Variants in PIK3C2G observed in about 807,000 individuals in gnomAD.
PIK3C2G encodes the protein phosphatidylinositol 3-kinase C2 domain-containing subunit gamma.
A neutral mutation model predicts 181.1 loss-of-function variants in PIK3C2G; 168 were observed. That is an observed-to-expected ratio of 0.93 (90% confidence interval 0.82 to 1.05). The LOEUF (loss-of-function observed/expected upper bound fraction) is 1.05, where lower values mean the gene tolerates loss of function less well. Among genes scored for constraint, PIK3C2G ranks in the 50% least tolerant of loss-of-function variants. The pLI is 0.00. For missense variants in PIK3C2G, 1,869 were observed against 1,732.8 expected (o/e 1.08, Z -1.40); for synonymous variants, 573 against 592.2 (o/e 0.97, Z 0.47).
At chr12:18,262,016 C>T (rs914115804) in intron 1 of PIK3C2G, among the ~76,000 whole-genome samples, 8 of 152,110 alleles carry the variant, frequency 5.3e-5, no homozygotes, top group Admixed American at 5.2e-4. Context: ...CCCATGATGG[C>T]TCCCAGAGGA....
intron 18 of PIK3C2G, among the ~76,000 whole-genome samples, chr12:18,453,810 C>A (rs557473406): frequency 2.0e-5 from 3 of 151,538 alleles, no homozygotes; most frequent in Non-Finnish European, 3.0e-5. Context: ...AGCTTTTAAA[C>A]GTGAATTTTA....
rs1444396409 is a variant in PIK3C2G, at chr12:18,296,403, G to A, written c.1034+2388G>A. 2.0e-5 allele frequency among the ~76,000 whole-genome samples: 3 copies of A among 152,028 alleles called. No homozygotes were observed. The South Asian group carries it at 6.2e-4, about 31-fold the overall frequency. Reference sequence around the variant, plus strand: ...ACAAGCATCTGGTGATGCCTATGCTGCCGGTCTACAGCCCACATTTCAAGT... The same window carrying A: ...ACAAGCATCTGGTGATGCCTATGCTACCGGTCTACAGCCCACATTTCAAGT... On this transcript the variant is annotated intron_variant, in intron 5 of 32. Transcript: ENST00000538779.
At chr12:18,341,752 C>A (rs1939164238) in intron 9 of PIK3C2G, among the ~76,000 whole-genome samples, 1 of 152,144 alleles carries the variant, frequency 6.6e-6, no homozygotes, top group Admixed American at 6.6e-5. Flanking sequence ...AGTCTATCCA[C>A]CCACCATGAA....
chr12:18,469,175 G>A (rs1054113518), intron 18 of PIK3C2G, among the ~76,000 whole-genome samples: 3 of 151,860 alleles, frequency 2.0e-5, no homozygotes, highest in South Asian at 2.1e-4. Flanking sequence ...TGCTTCCTAC[G>A]TCAGTGTGAC....
the PIK3C2G span, among the ~76,000 whole-genome samples, chr12:18,716,007 C>A: frequency 4.6e-4 from 70 of 152,218 alleles, 1 homozygote; most frequent in East Asian, 0.013. Context: ...CTAAATTCGG[C>A]TACATTTGTA....
At chr12:18,260,120 A>G (rs1180462278), upstream of PIK3C2G, among the ~76,000 whole-genome samples, 1 of 152,016 alleles carries the variant, frequency 6.6e-6, no homozygotes, top group Non-Finnish European at 1.5e-5. Context: ...AGTTTTATCA[A>G]GATTAGATTG....
the PIK3C2G span, chr12:18,696,322 C>CTATATATATATATATATATATA: frequency 6.5e-3 from 1,734 of 267,226 alleles, 136 homozygotes; most frequent in African/African-American, 0.028. Flanking sequence ...TAAAAAGCCA[C>CTATATATATATATATATATATA]TATATATATA....
intron 13 of PIK3C2G, among the ~76,000 whole-genome samples, chr12:18,381,327 A>T (rs998549370): frequency 6.6e-6 from 1 of 152,072 alleles, no homozygotes. Context: ...TAAATTTAGA[A>T]CTTGTATCTT....
At chr12:18,589,256 A>G (rs192328187) in intron 29 of PIK3C2G, among the ~76,000 whole-genome samples, 1 of 152,170 alleles carries the variant, frequency 6.6e-6, no homozygotes, top group African/African-American at 2.4e-5. Flanking sequence ...TAAATTAGAT[A>G]TGATTTTAAA....
intron 26 of PIK3C2G, among the ~76,000 whole-genome samples, chr12:18,560,598 C>CT (rs1436523781): frequency 1.3e-5 from 2 of 151,704 alleles, no homozygotes; most frequent in Admixed American, 1.3e-4. Context: ...ACAGAGAGGA[C>CT]TTTTAAAATA....
rs1408778055 is a variant in PIK3C2G at position 18,354,741 on chromosome 12, A to C, written c.1625+7905A>C. Reference sequence around the variant, plus strand: ...AAGCAGTCGCAGTCATTCAGGATGCACTCCAGAAGAGTATAAACTGGTGAT... The same window carrying C: ...AAGCAGTCGCAGTCATTCAGGATGCCCTCCAGAAGAGTATAAACTGGTGAT... On this transcript the variant is annotated intron_variant, in intron 11 of 32. Transcript: ENST00000538779. Among the ~76,000 whole-genome samples, 4 of 152,162 alleles carry C rather than the reference A, an allele frequency of 2.6e-5. No homozygotes were observed. The East Asian group carries it at 5.8e-4, about 22-fold the overall frequency.
chr12:18,523,063 T>C (rs1208142292), intron 24 of PIK3C2G, among the ~76,000 whole-genome samples: 2 of 152,170 alleles, frequency 1.3e-5, no homozygotes, highest in Non-Finnish European at 2.9e-5. Flanking sequence ...AGTTATTGTA[T>C]TCTTTATCTC....
chr12:18,294,374 T>G (rs973584371), intron 5 of PIK3C2G, among the ~76,000 whole-genome samples: 9 of 152,108 alleles, frequency 5.9e-5, no homozygotes, highest in African/African-American at 2.2e-4. Flanking sequence ...TTATTAGAAC[T>G]GATCACAGCT....
chr12:18,480,157 T>A (rs1939416044), intron 18 of PIK3C2G, among the ~76,000 whole-genome samples: 1 of 152,154 alleles, frequency 6.6e-6, no homozygotes, highest in African/African-American at 2.4e-5. Flanking sequence ...GCCTCATAGA[T>A]ACCTGTGTCT....
intron 7 of PIK3C2G, among the ~76,000 whole-genome samples, chr12:18,322,245 G>A (rs1276225801): frequency 6.6e-6 from 1 of 151,924 alleles, no homozygotes; most frequent in Non-Finnish European, 1.5e-5. Flanking sequence ...AGCCGGGCAT[G>A]GTGGCATGTG....
chr12:18,274,280 T>A (rs1190333571), intron 1 of PIK3C2G, among the ~76,000 whole-genome samples: 2 of 152,212 alleles, frequency 1.3e-5, no homozygotes, highest in Non-Finnish European at 2.9e-5. Flanking sequence ...AAATACCATT[T>A]GACCCAGCCA....
chr12:18,390,247 T>A (rs1943452977), intron 14 of PIK3C2G, among the ~76,000 whole-genome samples: 1 of 152,158 alleles, frequency 6.6e-6, no homozygotes, highest in Admixed American at 6.5e-5. Flanking sequence ...AAACTGAAAC[T>A]CACACCATCT....
chr12:18,314,973 C>T (rs1225071615), intron 6 of PIK3C2G, among the ~76,000 whole-genome samples: 5 of 152,120 alleles, frequency 3.3e-5, no homozygotes, highest in African/African-American at 9.7e-5. Context: ...GAATTTTATT[C>T]CCTGTGTCAT....
chr12:18,655,271 GA>G, the PIK3C2G span, among the ~76,000 whole-genome samples: 5 of 152,054 alleles, frequency 3.3e-5, no homozygotes, highest in South Asian at 1.0e-3. Flanking sequence ...CCAGCTGAAG[GA>G]AAAAAATATT....
Sources: gnomAD v4.1 joint callset for allele counts (sites outside exome capture counted in the v4.1 genomes callset) on GRCh38, gnomAD v4.1.1 for gene constraint, MANE v1.5 for transcripts, NCBI Gene and HGNC (gene_info 2026-07-23, HGNC 2026-07-21) for gene names.